Variants in HYAL4 observed in about 807,000 individuals in gnomAD.
The protein encoded by HYAL4 is hyaluronidase-4.
A neutral mutation model predicts 35.2 loss-of-function variants in HYAL4; 37 were observed. The observed-to-expected ratio is 1.05, with a 90% confidence interval of 0.81 to 1.38. HYAL4 has a LOEUF of 1.38. Among genes scored for constraint, HYAL4 ranks in the 40% most tolerant of loss-of-function variants. The probability of loss-of-function intolerance (pLI) is 0.00; values close to 1 mark genes in which losing one functional copy is unlikely to be tolerated. For missense variants in HYAL4, 572 were observed against 572.4 expected, an observed-to-expected ratio of 1.00 and a Z score of 0.01; for synonymous variants, 198 against 203.2, an observed-to-expected ratio of 0.97 and a Z score of 0.22.
chr7:123,846,803 A>T (rs547520227), intron 1 of HYAL4, among the ~76,000 whole-genome samples: 8 of 152,164 alleles, frequency 5.3e-5, no homozygotes, highest in Non-Finnish European at 1.0e-4. Flanking sequence ...GGACTCAGAG[A>T]GTCCACAGGG....
At chr7:123,788,504 G>C in the HYAL4 span, among the ~76,000 whole-genome samples, 1 of 152,116 alleles carries the variant, frequency 6.6e-6, no homozygotes, top group Non-Finnish European at 1.5e-5. Context: ...AAAATTCTGA[G>C]ATCTAAAATA....
intron 1 of HYAL4, among the ~76,000 whole-genome samples, chr7:123,846,418 G>A (rs116910128): frequency 1.7e-3 from 265 of 152,116 alleles, no homozygotes; most frequent in Non-Finnish European, 3.0e-3. Context: ...GGTTGTCAGG[G>A]GAGTGAGGGA....
At chr7:123,861,034 C>T (rs968976849) in intron 2 of HYAL4, among the ~76,000 whole-genome samples, 8 of 152,200 alleles carry the variant, frequency 5.3e-5, no homozygotes, top group Admixed American at 3.9e-4. Context: ...GATCTGGCTA[C>T]AGCTTTTGAC....
chr7:123,802,960 C>T, the HYAL4 span, among the ~76,000 whole-genome samples: 1 of 152,188 alleles, frequency 6.6e-6, no homozygotes. Context: ...CTCCATACAC[C>T]TGATTATTTA....
the HYAL4 span, among the ~76,000 whole-genome samples, chr7:123,799,213 C>T: frequency 6.7e-6 from 1 of 149,154 alleles, no homozygotes; most frequent in Non-Finnish European, 1.5e-5. Flanking sequence ...ATGTATTTTC[C>T]TCTCTTTCTT....
upstream of HYAL4, among the ~76,000 whole-genome samples, chr7:123,844,630 G>A (rs556182436): frequency 1.8e-4 from 28 of 152,306 alleles, no homozygotes; most frequent in South Asian, 5.6e-3. Context: ...GCTATGTCCT[G>A]CCCACAGAGA....
chr7:123,769,353 T>G, the HYAL4 span, among the ~76,000 whole-genome samples: 1 of 151,598 alleles, frequency 6.6e-6, no homozygotes, highest in Non-Finnish European at 1.5e-5. Flanking sequence ...TGTATAGGAG[T>G]GTTTATGGGA....
At chr7:123,839,542 T>C (rs1178812481) in intron 1 of HYAL4, among the ~76,000 whole-genome samples, 1 of 152,202 alleles carries the variant, frequency 6.6e-6, no homozygotes, top group Non-Finnish European at 1.5e-5. Flanking sequence ...TGGTTCTAGA[T>C]CCTTGAGGAA....
intron 2 of HYAL4, among the ~76,000 whole-genome samples, chr7:123,863,073 G>A (rs141643247): frequency 2.0e-5 from 3 of 152,186 alleles, no homozygotes; most frequent in African/African-American, 4.8e-5. Context: ...CTTGGGATCA[G>A]TGAGGCTTGT....
the HYAL4 span, among the ~76,000 whole-genome samples, chr7:123,797,800 A>G: frequency 1.3e-5 from 2 of 152,246 alleles, no homozygotes; most frequent in Admixed American, 1.3e-4. Flanking sequence ...GTAGCTATCA[A>G]TCAAAAATGG....
At chr7:123,838,287 C>T (rs1584910142) in intron 1 of HYAL4, among the ~76,000 whole-genome samples, 1 of 132,812 alleles carries the variant, frequency 7.5e-6, no homozygotes, top group East Asian at 2.4e-4. Context: ...TACAAAGAAA[C>T]TCTGTGGAAT....
chr7:123,841,833 G>A (rs1806071569), upstream of HYAL4, among the ~76,000 whole-genome samples: 1 of 151,960 alleles, frequency 6.6e-6, no homozygotes. Context: ...AGGACCAGTG[G>A]TGATATCCCG....
chr7:123,768,224 AG>A, the HYAL4 span, among the ~76,000 whole-genome samples: 2 of 152,234 alleles, frequency 1.3e-5, no homozygotes, highest in South Asian at 4.1e-4. Flanking sequence ...ACATAACCTC[AG>A]TAAAAATAAA....
At position 123,877,080 on chromosome 7, in the gene HYAL4, G is replaced by A; in HGVS notation, c.1371G>A (p.Gly457=). The A allele has an allele frequency of 6.2e-7, 1 of 1,614,160 alleles. No homozygotes were observed. Among genetic ancestry groups the A allele is most frequent in the Non-Finnish European group, 8.5e-7 (1 of 1,180,032 alleles). Residue 457 remains glycine (G), a synonymous_variant, in exon 5 of 5, where the codon GGG becomes GGA. Transcript: ENST00000223026. The part of the protein sequence containing the change: ...REIKTADGCS[G]VSPSPGSLMT... ...TAAAGACGGCTGATGGCTGCTCTGG[G>A]GTTTCCCCTTCTCCTGGTTCACTAA... is the stretch of plus-strand genomic sequence containing the variant.
chr7:123,838,914 A>G (rs554416174), intron 1 of HYAL4, among the ~76,000 whole-genome samples: 7 of 151,578 alleles, frequency 4.6e-5, no homozygotes, highest in East Asian at 3.9e-4. Flanking sequence ...GTTTGATTCT[A>G]TTGCTGAGAC....
chr7:123,828,460 A>ACC (rs1366914504), upstream of HYAL4, among the ~76,000 whole-genome samples: 1 of 137,220 alleles, frequency 7.3e-6, no homozygotes, highest in African/African-American at 2.5e-5. Flanking sequence ...ACACACACAC[A>ACC]CACCTCTAAA....
At chr7:123,775,402 C>T in the HYAL4 span, among the ~76,000 whole-genome samples, 1 of 151,886 alleles carries the variant, frequency 6.6e-6, no homozygotes, top group Admixed American at 6.6e-5. Flanking sequence ...GCACTCCATA[C>T]TGGGAGACAG....
At chr7:123,794,645 A>G in the HYAL4 span, among the ~76,000 whole-genome samples, 1 of 152,202 alleles carries the variant, frequency 6.6e-6, no homozygotes, top group Non-Finnish European at 1.5e-5. Context: ...TGTGGTTTTG[A>G]GCCTGTGGGT....
At chr7:123,811,496 G>T in the HYAL4 span, among the ~76,000 whole-genome samples, 1 of 152,282 alleles carries the variant, frequency 6.6e-6, no homozygotes, top group Non-Finnish European at 1.5e-5. Context: ...TGAGATGTCT[G>T]TTCAAGCCTT....
Sources: allele counts gnomAD v4.1 joint callset (sites outside exome capture counted in the v4.1 genomes callset), GRCh38; gene constraint gnomAD v4.1.1; transcripts MANE v1.5; gene names NCBI Gene and HGNC (gene_info 2026-07-23, HGNC 2026-07-21).